The following SIMC1 variants were observed in gnomAD, a reference collection of about 807,000 sequenced individuals.
The protein encoded by SIMC1 is SUMO-interacting motif-containing protein 1.
A neutral mutation model predicts 82.3 loss-of-function variants in SIMC1; 55 were observed. The ratio of observed to expected loss-of-function variants is 0.67; its 90% CI spans 0.54 to 0.84. The LOEUF is 0.84. Ranked by LOEUF, SIMC1 falls within the 40% of genes least tolerant of loss-of-function variation. SIMC1 has a pLI of 0.00. For missense variants in SIMC1, 915 were observed against 1,107.2 expected (o/e 0.83, Z 2.46); for synonymous variants, 353 against 426.3 (o/e 0.83, Z 2.12).
chr5:176,252,841 C>G (rs1761725480), intron 1 of SIMC1, among the ~76,000 whole-genome samples: 1 of 152,236 alleles, frequency 6.6e-6, no homozygotes, highest in Admixed American at 6.5e-5. Flanking sequence ...GCACTCCAGC[C>G]TGGGCACCAT....
intron 1 of SIMC1, among the ~76,000 whole-genome samples, chr5:176,247,301 T>C (rs1761484420): frequency 6.6e-6 from 1 of 152,194 alleles, no homozygotes; most frequent in South Asian, 2.1e-4. Context: ...ATTGCCATTC[T>C]AACTGGTGTG....
intron 1 of SIMC1, among the ~76,000 whole-genome samples, chr5:176,259,926 C>A (rs62403343): frequency 0.08 from 12,159 of 151,418 alleles, 536 homozygotes; most frequent in Middle Eastern, 0.12. Context: ...ATGTATAATT[C>A]TTTCCCAATG....
chr5:176,298,090 G>T (rs1175138168), intron 4 of SIMC1, among the ~76,000 whole-genome samples: 1 of 152,180 alleles, frequency 6.6e-6, no homozygotes, highest in African/African-American at 2.4e-5. Flanking sequence ...ATCACTGTGA[G>T]AACTCTAGAG....
Position 176,324,626 on chromosome 5 carries a change from C to T in SIMC1, c.2043-3C>T, listed in dbSNP as rs774123626. The T allele has an allele frequency of 1.2e-6, 2 of 1,610,776 alleles. No homozygotes were observed. The highest frequency in any genetic ancestry group is 1.7e-5 in the Admixed American group (1 of 59,600). On this transcript the variant is annotated splice_region_variant and splice_polypyrimidine_tract_variant and intron_variant, in intron 6 of 9. Coordinates refer to ENST00000429602, the MANE Select transcript of SIMC1 (RefSeq NM_001308195.2). ...TCATCTGTGTCCTATGTTCTGGACTCAGGATTGTGTGCCAGCTTCAGAGGA... is the reference window on the plus strand; with the variant it reads ...TCATCTGTGTCCTATGTTCTGGACTTAGGATTGTGTGCCAGCTTCAGAGGA...
At chr5:176,246,490 C>T (rs1487754826) in intron 1 of SIMC1, among the ~76,000 whole-genome samples, 7 of 150,986 alleles carry the variant, frequency 4.6e-5, no homozygotes, top group Non-Finnish European at 8.8e-5. Context: ...CACTCTGCCA[C>T]CCAGGCAAAG....
At chr5:176,253,361 A>G (rs1026633251) in intron 1 of SIMC1, among the ~76,000 whole-genome samples, 2 of 152,054 alleles carry the variant, frequency 1.3e-5, no homozygotes, top group Admixed American at 6.5e-5. Context: ...TTGCTCTTCT[A>G]AAGATACTCC....
At chr5:176,330,204 C>T (rs755494668) in intron 7 of SIMC1, among the ~76,000 whole-genome samples, 4 of 152,056 alleles carry the variant, frequency 2.6e-5, no homozygotes, top group Non-Finnish European at 5.9e-5. Context: ...AGTTCGAGAC[C>T]AGCCTGGCCA....
Position 176,290,845 on chromosome 5 carries a change from C to G in SIMC1, c.1321C>G (p.Gln441Glu), listed in dbSNP as rs1199647840. 5.0e-5 allele frequency: 80 copies of G among 1,613,648 alleles called. No individual in the cohort carries two copies. Among genetic ancestry groups the G allele is most frequent in the Non-Finnish European group, 6.6e-5 (78 of 1,179,740 alleles). ...GSAHVQSRTP[Q>E]GGLYNRPCLH... is the part of the protein sequence containing the mutation. Reference sequence around the variant, plus strand: ...TGCCCACGTACAATCACGAACACCACAAGGTGGGTTGTACAACAGACCATG... The same window carrying G: ...TGCCCACGTACAATCACGAACACCAGAAGGTGGGTTGTACAACAGACCATG... The change falls in exon 2 of 10, where the codon CAA (glutamine) becomes GAA (glutamate). Residue 441 changes from glutamine to glutamate, a missense_variant. Physicochemically the swap from Gln to Glu is conservative, Grantham distance 29. Coordinates refer to ENST00000429602, the MANE Select transcript of SIMC1 (RefSeq NM_001308195.2).
At chr5:176,298,188 A>T (rs1052240737) in intron 4 of SIMC1, among the ~76,000 whole-genome samples, 7 of 152,260 alleles carry the variant, frequency 4.6e-5, no homozygotes, top group Non-Finnish European at 8.8e-5. Flanking sequence ...GGCATTTTGC[A>T]TGCCCATGTC....
chr5:176,337,872 C>T (rs1312012680), intron 9 of SIMC1, among the ~76,000 whole-genome samples: 2 of 152,010 alleles, frequency 1.3e-5, no homozygotes, highest in Non-Finnish European at 2.9e-5. Flanking sequence ...TGACCAATGA[C>T]GATGTAGGAG....
chr5:176,302,425 G>A (rs953079400), intron 4 of SIMC1, among the ~76,000 whole-genome samples: 1 of 152,042 alleles, frequency 6.6e-6, no homozygotes, highest in African/African-American at 2.4e-5. Context: ...AACATAATAA[G>A]GGCCATATGT....
intron 1 of SIMC1, among the ~76,000 whole-genome samples, chr5:176,282,512 C>T (rs533013050): frequency 5.9e-5 from 9 of 152,330 alleles, no homozygotes; most frequent in South Asian, 2.1e-4. Context: ...AGAAATCACC[C>T]GTCTTCTGCG....
rs191862895 is a variant in SIMC1 at position 176,330,597 on chromosome 5, A to G, written c.2171+5840A>G. 3.7e-3 allele frequency among the ~76,000 whole-genome samples: 562 copies of G among 152,294 alleles called. 3 individuals carry two copies. Among genetic ancestry groups the G allele is most frequent in the African/African-American group, 0.013 (534 of 41,566 alleles). ...CAGTGACCAAATCTGGAATAATTTGAGCTCCAAAATGAATATTGACAGTAA... is the reference window on the plus strand; with the variant it reads ...CAGTGACCAAATCTGGAATAATTTGGGCTCCAAAATGAATATTGACAGTAA... On this transcript the variant is annotated intron_variant, in intron 7 of 9. Transcript: ENST00000429602.
At chr5:176,308,013 G>T (rs760199700) in intron 4 of SIMC1, 10 of 652,044 alleles carry the variant, frequency 1.5e-5, no homozygotes, top group African/African-American at 3.6e-5. Flanking sequence ...GTGAATGGAT[G>T]AACAAAATGA....
At chr5:176,256,852 C>T (rs1303330544) in intron 1 of SIMC1, among the ~76,000 whole-genome samples, 2 of 152,178 alleles carry the variant, frequency 1.3e-5, no homozygotes, top group African/African-American at 4.8e-5. Context: ...AAGTAATCTC[C>T]TGCCTCAAGT....
chr5:176,335,060 TCACTC>T (rs1431268334), intron 7 of SIMC1, among the ~76,000 whole-genome samples: 1 of 151,090 alleles, frequency 6.6e-6, no homozygotes, highest in African/African-American at 2.4e-5. Context: ...TCAGGCCACT[TCACTC>T]CAGCCTGGGC....
At chr5:176,319,897 G>A (rs556856293) in intron 5 of SIMC1, among the ~76,000 whole-genome samples, 8 of 152,178 alleles carry the variant, frequency 5.3e-5, no homozygotes, top group Non-Finnish European at 1.0e-4. Context: ...GTAGTTTATA[G>A]TCTATCCATA....
At chr5:176,279,189 G>T (rs1300415104) in intron 1 of SIMC1, among the ~76,000 whole-genome samples, 1 of 152,212 alleles carries the variant, frequency 6.6e-6, no homozygotes, top group East Asian at 1.9e-4. Context: ...GAGAGTGTAT[G>T]TGTCGAGGAA....
chr5:176,329,254 G>A (rs1019839786), intron 7 of SIMC1, among the ~76,000 whole-genome samples: 4 of 152,096 alleles, frequency 2.6e-5, no homozygotes, highest in Non-Finnish European at 5.9e-5. Context: ...GGCGGATCAC[G>A]AGGTCAGGAG....
Sources: allele counts gnomAD v4.1 joint callset (sites outside exome capture counted in the v4.1 genomes callset), GRCh38; gene constraint gnomAD v4.1.1; transcripts MANE v1.5; gene names NCBI Gene and HGNC (gene_info 2026-07-23, HGNC 2026-07-21).